The following CEP57 variants were observed in gnomAD, a reference collection of about 807,000 sequenced individuals.
CEP57 encodes the protein centrosomal protein 57.
A neutral mutation model predicts 68.0 loss-of-function variants in CEP57; 40 were observed. The observed-to-expected ratio is 0.59, with a 90% CI of 0.46 to 0.77. The LOEUF is 0.77. CEP57 is among the 30% of genes least tolerant of loss of function. The pLI, the probability that CEP57 is intolerant of heterozygous loss-of-function variation, is 0.00. For synonymous variants in CEP57, 219 were observed against 198.7 expected, an observed-to-expected ratio of 1.10 and a Z score of -0.86; for missense variants, 606 against 580.7, an observed-to-expected ratio of 1.04 and a Z score of -0.45.
chr11:95,792,029 G>T (rs759411670), intron 1 of CEP57, among the ~76,000 whole-genome samples: 1 of 152,176 alleles, frequency 6.6e-6, no homozygotes, highest in Non-Finnish European at 1.5e-5. Context: ...TCACCTTGGA[G>T]AAGTCAGTTT....
intron 8 of CEP57, chr11:95,825,552 A>G (rs903253741): frequency 9.2e-5 from 14 of 152,158 alleles, no homozygotes; most frequent in African/African-American, 3.4e-4. Context: ...GACATTAGAT[A>G]ATCTGACAGA....
intron 1 of CEP57, among the ~76,000 whole-genome samples, chr11:95,791,822 T>A (rs921667733): frequency 1.3e-5 from 2 of 152,092 alleles, no homozygotes; most frequent in South Asian, 2.1e-4. Flanking sequence ...GCTAGAACAG[T>A]AGGTGCTTTT....
At chr11:95,812,035 G>A (rs1249303692) in intron 2 of CEP57, among the ~76,000 whole-genome samples, 3 of 152,000 alleles carry the variant, frequency 2.0e-5, no homozygotes, top group Non-Finnish European at 4.4e-5. Flanking sequence ...TAGGATTATT[G>A]GTTATTTTTC....
chr11:95,808,969 G>A (rs1861931446), intron 2 of CEP57, among the ~76,000 whole-genome samples: 1 of 152,112 alleles, frequency 6.6e-6, no homozygotes, highest in Admixed American at 6.5e-5. Context: ...GCACTCCTCA[G>A]CAAATGTAAA....
chr11:95,796,908 A>G (rs1591045515), intron 1 of CEP57, among the ~76,000 whole-genome samples: 1 of 152,284 alleles, frequency 6.6e-6, no homozygotes, highest in East Asian at 1.9e-4. Context: ...AAACAGCCAA[A>G]TGGAGGAGAC....
intron 8 of CEP57, chr11:95,825,593 C>CTTTTTTTTTTTT (rs540463994): frequency 7.7e-6 from 1 of 129,732 alleles, no homozygotes; most frequent in Admixed American, 7.8e-5. Context: ...CTGCTTTTGA[C>CTTTTTTTTTTTT]TTTTTTTTTT....
intron 8 of CEP57, among the ~76,000 whole-genome samples, chr11:95,825,380 G>A (rs1294649455): frequency 6.6e-6 from 1 of 152,154 alleles, no homozygotes; most frequent in Non-Finnish European, 1.5e-5. Flanking sequence ...AAAAAAGGTT[G>A]GAGGTGAAGG....
chr11:95,794,260 C>T, intron 1 of CEP57: 1 of 455,474 alleles, frequency 2.2e-6, no homozygotes. Context: ...AGTAGTGGGT[C>T]ATGGAATATG....
intron 8 of CEP57, chr11:95,827,548 G>A (rs997514357): frequency 6.0e-6 from 3 of 502,140 alleles, no homozygotes; most frequent in African/African-American, 5.8e-5. Context: ...ATGAGGCTAG[G>A]AAATGTAGGT....
chr11:95,797,841 G>T (rs1201770571), intron 1 of CEP57, among the ~76,000 whole-genome samples: 1 of 152,126 alleles, frequency 6.6e-6, no homozygotes, highest in Non-Finnish European at 1.5e-5. Flanking sequence ...CTGGGCAGAG[G>T]GTGGTCGGCA....
intron 1 of CEP57, among the ~76,000 whole-genome samples, chr11:95,793,005 A>G (rs986143274): frequency 6.6e-6 from 1 of 152,200 alleles, no homozygotes; most frequent in African/African-American, 2.4e-5. Flanking sequence ...AAGATTAACA[A>G]CTGTTATATT....
At chr11:95,819,101 C>T (rs2135342902) in intron 6 of CEP57, among the ~76,000 whole-genome samples, 197 bp downstream of exon 6, 1 of 152,128 alleles carries the variant, frequency 6.6e-6, no homozygotes, top group African/African-American at 2.4e-5. Flanking sequence ...AGTTTTTTAG[C>T]ATGTTTGTAA....
At chr11:95,812,567 C>G (rs940600270) in intron 2 of CEP57, among the ~76,000 whole-genome samples, 2 of 151,808 alleles carry the variant, frequency 1.3e-5, no homozygotes, top group South Asian at 2.1e-4. Flanking sequence ...CTCAGCCTCC[C>G]GAGTAGCTGG....
chr11:95,804,003 A>G (rs561673933), intron 2 of CEP57, among the ~76,000 whole-genome samples: 1 of 152,184 alleles, frequency 6.6e-6, no homozygotes. Flanking sequence ...GATGTGTGCT[A>G]TACTTCATAT....
chr11:95,801,270 G>A (rs1320049221), intron 2 of CEP57, among the ~76,000 whole-genome samples: 1 of 151,980 alleles, frequency 6.6e-6, no homozygotes, highest in Non-Finnish European at 1.5e-5. Flanking sequence ...AAGAATTTTA[G>A]TACTCTGTAA....
At chr11:95,817,948 T>G in intron 5 of CEP57, 45 bp downstream of exon 5, 1 of 1,143,576 alleles carries the variant, frequency 8.7e-7, no homozygotes, top group Non-Finnish European at 1.3e-6. Flanking sequence ...TCAGGGTGGT[T>G]TTTTTTTAAT....
chr11:95,792,601 C>G (rs1366401584), intron 1 of CEP57, among the ~76,000 whole-genome samples: 1 of 152,218 alleles, frequency 6.6e-6, no homozygotes, highest in Non-Finnish European at 1.5e-5. Context: ...ACAGAAATAC[C>G]AAAGACTGTT....
chr11:95,810,166 ACT>A (rs1227414181), intron 2 of CEP57, among the ~76,000 whole-genome samples: 3 of 152,038 alleles, frequency 2.0e-5, no homozygotes, highest in Non-Finnish European at 4.4e-5. Context: ...CATGCTAAAA[ACT>A]CTCAATAAAC....
chr11:95,830,954 C>G, intron 10 of CEP57, 72 bp from the exon 11 acceptor site: 1 of 1,201,440 alleles, frequency 8.3e-7, no homozygotes, highest in South Asian at 1.2e-5. Context: ...TACTCTTGTA[C>G]TTTTTGTTGT....
Sources: allele counts gnomAD v4.1 joint callset (sites outside exome capture counted in the v4.1 genomes callset), GRCh38; gene constraint gnomAD v4.1.1; transcripts MANE v1.5; gene names NCBI Gene and HGNC (gene_info 2026-07-23, HGNC 2026-07-21).